Variants in TFAP2A observed in about 807,000 individuals in gnomAD.
The protein encoded by TFAP2A is transcription factor AP-2 alpha.
A neutral mutation model predicts 41.5 loss-of-function variants in TFAP2A; 7 were observed. The ratio of observed to expected loss-of-function variants is 0.17; its 90% CI spans 0.10 to 0.32. TFAP2A has a LOEUF of 0.32. TFAP2A is among the 10% of genes least tolerant of loss of function. The probability of loss-of-function intolerance (pLI) is 1.00; values close to 1 mark genes in which losing one functional copy is unlikely to be tolerated. For missense variants in TFAP2A, 416 were observed against 563.3 expected (o/e 0.74, Z 2.65); for synonymous variants, 247 against 242.8 (o/e 1.02, Z -0.16).
At chr6:10,400,214 T>TAA (rs34587962) in intron 6 of TFAP2A, among the ~76,000 whole-genome samples, 9 of 134,956 alleles carry the variant, frequency 6.7e-5, no homozygotes, top group Non-Finnish European at 8.0e-5. Context: ...ACACACTCAT[T>TAA]AAAAAAAAAA....
In TFAP2A at chr6:10,410,319, G is replaced by T; in HGVS notation, c.68C>A (p.Thr23Asn). Reference protein sequence around the residue: ...YEDCEDRHDGTSNGTARLPQL... With the variant: ...YEDCEDRHDGNSNGTARLPQL... ...GGGCAACCGTGCCGTCCCGTTGCTGGTGCCGTCGTGACGGTCCTAGAAGAG... is the reference window on the plus strand; with the variant it reads ...GGGCAACCGTGCCGTCCCGTTGCTGTTGCCGTCGTGACGGTCCTAGAAGAG... The change falls in exon 2 of 7, where the codon ACC becomes AAC. Residue 23 changes from threonine (T) to asparagine (N), a missense_variant. Transcript: ENST00000379613. 1 of 1,611,640 alleles carries T rather than the reference G, an allele frequency of 6.2e-7. No homozygotes were observed. The highest frequency in any genetic ancestry group is 8.5e-7 in the Non-Finnish European group (1 of 1,179,338).
rs1372051364 is a variant in TFAP2A, at chr6:10,404,531, C to T, written c.747G>A (p.Ser249=). The part of the protein sequence containing the change: ...RLSPPECLNA[S]LLGGVLRRAK... ...ACCTCCGGAGCACTCCGCCCAGCAGCGACGCGTTGAGACACTCGGGTGGTG... is the reference window on the plus strand; with the variant it reads ...ACCTCCGGAGCACTCCGCCCAGCAGTGACGCGTTGAGACACTCGGGTGGTG... Residue 249 remains serine, a synonymous_variant, in exon 4 of 7, where the codon TCG becomes TCA. Transcript: ENST00000379613. 2 of 1,611,684 alleles carry T rather than the reference C, an allele frequency of 1.2e-6. No homozygotes were observed. Among genetic ancestry groups the T allele is most frequent in the Non-Finnish European group, 1.7e-6 (2 of 1,179,068 alleles).
At chr6:10,419,500 G>A, upstream of TFAP2A, 8 of 1,612,556 alleles carry the variant, frequency 5.0e-6, no homozygotes, top group Non-Finnish European at 5.9e-6. Flanking sequence ...TGGGCTGGAG[G>A]GCTCGGTCGG....
chr6:10,412,374 G>T, intron 1 of TFAP2A: 1 of 834,906 alleles, frequency 1.2e-6, no homozygotes, highest in Non-Finnish European at 1.4e-6. Context: ...CTGCGTGCGT[G>T]TGTGAGAAAG....
At position 10,410,168 on chromosome 6, in the gene TFAP2A, A is replaced by T. The variant is rs560684169; in HGVS notation, c.219T>A (p.Asp73Glu). ...AGGGGTCGTTGACGTGGGAGTAAGG[A>T]TCTTGCGACTGGGGGTAGATAGGCT... ...PYQPIYPQSQ[D>E]PYSHVNDPYS... The change falls in exon 2 of 7, where the codon GAT (aspartate) becomes GAA (glutamate). Residue 73 changes from aspartate to glutamate, a missense_variant. This residue lies in a region of TFAP2A where 241 missense variants were observed against 274.1 expected (regional missense o/e 0.88). Transcript: ENST00000379613. The T allele has an allele frequency of 2.2e-6, 3 of 1,338,482 alleles. No individual in the cohort carries two copies. The African/African-American group carries it at 5.1e-5, about 23-fold the overall frequency. 82.9% of individuals were successfully genotyped at this position (1,338,482 alleles called of 1,614,324 possible).
At chr6:10,414,451 G>A (rs995946041) in intron 1 of TFAP2A, 18 of 270,772 alleles carry the variant, frequency 6.6e-5, no homozygotes, top group Non-Finnish European at 1.2e-4. Context: ...AGAAGTGGGG[G>A]TGGGGGGAAG....
At chr6:10,404,360 T>TCTA in intron 4 of TFAP2A, 148 bp downstream of exon 4, 1 of 331,784 alleles carries the variant, frequency 3.0e-6, no homozygotes, top group Non-Finnish European at 5.0e-6. Context: ...CCCACTTGGC[T>TCTA]CTACGCTCTT....
At chr6:10,416,045 C>G (rs1028903482), upstream of TFAP2A, 9 of 152,162 alleles carry the variant, frequency 5.9e-5, no homozygotes, top group African/African-American at 1.7e-4. Flanking sequence ...AACGTGGACA[C>G]GAATACAGAA....
chr6:10,418,632 G>C (rs1758325103), upstream of TFAP2A: 1 of 152,310 alleles, frequency 6.6e-6, no homozygotes. Context: ...GTCGGAATCC[G>C]GGGCTCAGGA....
chr6:10,407,367 T>C (rs1757765662), intron 2 of TFAP2A: 1 of 154,618 alleles, frequency 6.5e-6, no homozygotes. Flanking sequence ...CATAAATTTT[T>C]AGAAAGACTA....
At position 10,398,525 on chromosome 6, in the gene TFAP2A, G is replaced by C. The variant is rs200847258; in HGVS notation, c.1212C>G (p.Leu404=). The change falls in exon 7 of 7, where the codon CTC becomes CTG. Residue 404 remains leucine, a synonymous_variant. Transcript: ENST00000379613. The surrounding 1 kb of genome is among the most constrained non-coding windows in gnomAD (Gnocchi z 5.3). ...TGTCCATGGCCTTGAGGGCCTCGGT[G>C]AGATAGTTCTGCAGGGCCGTGACCG... ...CAAVTALQNY[L]TEALKAMDKM... The C allele has an allele frequency of 5.6e-6, 9 of 1,614,252 alleles. 1 individual carries two copies. In the African/African-American group the frequency reaches 1.2e-4, roughly 22 times the overall value.
chr6:10,408,759 T>C (rs1271313626), intron 2 of TFAP2A, among the ~76,000 whole-genome samples: 1 of 152,212 alleles, frequency 6.6e-6, no homozygotes, highest in Non-Finnish European at 1.5e-5. Flanking sequence ...AGAGATGTAA[T>C]AAATTTTCTA....
chr6:10,417,608 C>T (rs1413785525), upstream of TFAP2A, among the ~76,000 whole-genome samples: 3 of 152,138 alleles, frequency 2.0e-5, no homozygotes, highest in African/African-American at 7.2e-5. Flanking sequence ...AAGGGCGTCG[C>T]GGGGAAGAGG....
At chr6:10,399,135 C>G (rs1761908929) in intron 6 of TFAP2A, among the ~76,000 whole-genome samples, 1 of 152,160 alleles carries the variant, frequency 6.6e-6, no homozygotes, top group South Asian at 2.1e-4. Context: ...TAAAGACCCT[C>G]TTCCCTGCTC....
In TFAP2A at chr6:10,415,030, C is replaced by T. The variant is rs1442257822; in HGVS notation, c.-39G>A. The T allele has an allele frequency of 1.9e-6, 3 of 1,614,018 alleles. No individual in the cohort carries two copies. The highest frequency in any genetic ancestry group is 2.5e-6 in the Non-Finnish European group (3 of 1,180,016). On this transcript the variant is annotated 5_prime_UTR_variant, in exon 1 of 7. The change creates a new upstream start codon in the 5' untranslated region. Transcript: ENST00000379613. ...CGGATATGCCCCTCTCGGTCTCGCA[C>T]CCAAGTGGAGCTACTCTCTGGGTGA... is the stretch of plus-strand genomic sequence containing the variant.
chr6:10,407,003 T>C (rs1757744409), intron 2 of TFAP2A, 159 bp from the exon 3 acceptor site: 2 of 682,544 alleles, frequency 2.9e-6, no homozygotes, highest in East Asian at 2.7e-5. Flanking sequence ...TTATTGGAAT[T>C]TGGGGCTTTG....
intron 4 of TFAP2A, among the ~76,000 whole-genome samples, chr6:10,402,885 C>A (rs1469748181): frequency 6.6e-6 from 1 of 152,216 alleles, no homozygotes; most frequent in Non-Finnish European, 1.5e-5. Context: ...AGAAGAACCA[C>A]AAACAAACAC....
chr6:10,410,315 G>A lies in TFAP2A; in HGVS notation c.72C>T (p.Ser24=). The A allele has an allele frequency of 6.2e-7, 1 of 1,612,066 alleles. No individual in the cohort carries two copies. Among genetic ancestry groups the A allele is most frequent in the Non-Finnish European group, 8.5e-7 (1 of 1,179,492 alleles). The part of the protein sequence containing the change: ...EDCEDRHDGT[S]NGTARLPQLG... ...GCTGGGGCAACCGTGCCGTCCCGTT[G>A]CTGGTGCCGTCGTGACGGTCCTAGA... is the stretch of plus-strand genomic sequence containing the variant. The change falls in exon 2 of 7, where the codon AGC becomes AGT. Residue 24 remains serine, a synonymous_variant. Coordinates refer to ENST00000379613, the MANE Select transcript of TFAP2A (RefSeq NM_001372066.1).
chr6:10,410,382 G>T, intron 1 of TFAP2A, 47 bp from the exon 2 acceptor site: 1 of 1,539,460 alleles, frequency 6.5e-7, no homozygotes. Flanking sequence ...ATCAGGCGTC[G>T]AGCTACAACT....
Sources: gnomAD v4.1 joint callset for allele counts (sites outside exome capture counted in the v4.1 genomes callset) on GRCh38, gnomAD v4.1.1 for gene constraint, gnomAD v4.1.1 regional missense constraint, Gnocchi (gnomAD v3.1) non-coding constraint, MANE v1.5 for transcripts, NCBI Gene and HGNC (gene_info 2026-07-23, HGNC 2026-07-21) for gene names.